The following MYH8 variants were observed in gnomAD, a reference collection of about 807,000 sequenced individuals.
The protein encoded by MYH8 is myosin-8.
MYH8 carries 168 observed loss-of-function variants against 233.2 expected under a neutral mutation model. The observed-to-expected ratio is 0.72, with a 90% CI of 0.64 to 0.82. The LOEUF is 0.82. Among genes scored for constraint, MYH8 ranks in the 40% least tolerant of loss-of-function variants. The pLI is 0.00. For synonymous variants in MYH8, 785 were observed against 850.6 expected (o/e 0.92, Z 1.34); for missense variants, 1,995 against 2,327.8 (o/e 0.86, Z 2.94).
chr17:10,392,063 G>C (rs1199374698), intron 38 of MYH8, 86 bp from the exon 39 acceptor site: 3 of 1,110,926 alleles, frequency 2.7e-6, no homozygotes. Flanking sequence ...TGGCATGATG[G>C]CAGGTGGGCC....
Position 10,410,840 on chromosome 17 carries a change from G to T in MYH8, c.1524C>A (p.Gly508=), listed in dbSNP as rs1597403331. ...CAAAGTCAATGAACGTCCACTCGAT[G>T]CCTTCCTTCTTGTACTCCTCCTGCT... ...VLEQEEYKKE[G]IEWTFIDFGM... is the part of the protein sequence containing the mutation. The change falls in exon 15 of 40, where the codon GGC becomes GGA. Residue 508 remains glycine, a synonymous_variant. Coordinates refer to ENST00000403437, the MANE Select transcript of MYH8 (RefSeq NM_002472.3). The T allele has an allele frequency of 1.2e-6, 2 of 1,613,840 alleles. No homozygotes were observed. The highest frequency in any genetic ancestry group is 2.2e-5 in the South Asian group (2 of 91,064).
intron 14 of MYH8, among the ~76,000 whole-genome samples, chr17:10,411,326 A>G (rs2142185268): frequency 6.6e-6 from 1 of 151,594 alleles, no homozygotes; most frequent in African/African-American, 2.4e-5. Flanking sequence ...CAGTGAGCTG[A>G]GATCGCGCCA....
intron 14 of MYH8, among the ~76,000 whole-genome samples, chr17:10,412,034 G>T (rs1483914862): frequency 2.0e-5 from 3 of 152,074 alleles, no homozygotes; most frequent in African/African-American, 7.2e-5. Flanking sequence ...TCCTGGATTT[G>T]TCTTATGCAC....
chr17:10,392,211 A>G (rs1240702560), intron 38 of MYH8, among the ~76,000 whole-genome samples: 1 of 152,204 alleles, frequency 6.6e-6, no homozygotes, highest in Non-Finnish European at 1.5e-5. Context: ...ATCCGGGAAA[A>G]TAGACACTGT....
Position 10,419,377 on chromosome 17 carries a change from G to C in MYH8, c.211-347C>G, listed in dbSNP as rs2072317241. On this transcript the variant is annotated intron_variant, in intron 3 of 39. Transcript: ENST00000403437. The surrounding 1 kb of genome is among the most constrained non-coding windows in gnomAD (Gnocchi z 4.0). ...CTGGCTAAGACCAGTTCGTTTTAAT[G>C]GTTGGAGGTAGGGTTTATGTTTGCC... Among the ~76,000 whole-genome samples, 2 of 152,112 alleles carry C rather than the reference G, an allele frequency of 1.3e-5. No individual in the cohort carries two copies. Among genetic ancestry groups the C allele is most frequent in the African/African-American group, 4.8e-5 (2 of 41,412 alleles).
Position 10,393,169 on chromosome 17 carries a change from G to C in MYH8, c.5208C>G (p.Asp1736Glu), listed in dbSNP as rs33969260. ...LINTKKKLEN[D>E]VSQLQSEVEE... ...CCACTTCACTTTGGAGTTGGGAAAC[G>C]TCATTTTCTAATTTCTTCTTGGTGT... Residue 1736 changes from aspartate to glutamate, a missense_variant, in exon 36 of 40, where the codon GAC (aspartate) becomes GAG (glutamate). Physicochemically the swap from Asp to Glu is conservative, Grantham distance 45 (BLOSUM62 2). This residue lies in a region of MYH8 where 1,498 missense variants were observed against 1,680.9 expected (regional missense o/e 0.89). Transcript: ENST00000403437. 1 of 1,613,796 alleles carries C rather than the reference G, an allele frequency of 6.2e-7. No individual in the cohort carries two copies. Among genetic ancestry groups the C allele is most frequent in the Non-Finnish European group, 8.5e-7 (1 of 1,179,908 alleles).
At chr17:10,399,974 C>T (rs1394580807) in intron 27 of MYH8, among the ~76,000 whole-genome samples, 2 of 152,114 alleles carry the variant, frequency 1.3e-5, no homozygotes, top group African/African-American at 2.4e-5. Flanking sequence ...GAGGCCGAGG[C>T]GGGCGGATCA....
rs955683870 is a variant in MYH8 at position 10,396,132 on chromosome 17, C to T, written c.4653+198G>A. Among the ~76,000 whole-genome samples the T allele has an allele frequency of 5.9e-5, 9 of 152,224 alleles. No homozygotes were observed. The South Asian group carries it at 1.9e-3, about 32-fold the overall frequency. ...ACATCTTTGCCTTAAAGCTTTACTC[C>T]ATTTGACATCTTTTGGGTGATAAAA... On this transcript the variant is annotated intron_variant, in intron 33 of 39. Coordinates refer to ENST00000403437, the MANE Select transcript of MYH8 (RefSeq NM_002472.3). The surrounding 1 kb of genome is among the most constrained non-coding windows in gnomAD (Gnocchi z 4.2).
chr17:10,409,210 C>T (rs1365895201), intron 16 of MYH8, 46 bp from the exon 17 acceptor site: 3 of 1,613,224 alleles, frequency 1.9e-6, no homozygotes, highest in Non-Finnish European at 2.5e-6. Context: ...ATACCAGAGG[C>T]TTATATGAAC....
Position 10,390,541 on chromosome 17 carries a change from G to C in MYH8, c.5727C>G (p.Ala1909=), listed in dbSNP as rs560091940. The change falls in exon 40 of 40, where the codon GCC becomes GCG. Residue 1909 remains alanine, a synonymous_variant. Coordinates refer to ENST00000403437, the MANE Select transcript of MYH8 (RefSeq NM_002472.3). ...FRKLQHELEE[A]EERADIAESQ... ...ACTCAGCAATGTCAGCCCGTTCCTCGGCCTCCTCCAGCTCATGCTGGAGTT... is the reference window on the plus strand; with the variant it reads ...ACTCAGCAATGTCAGCCCGTTCCTCCGCCTCCTCCAGCTCATGCTGGAGTT... 3.1e-6 allele frequency: 5 copies of C among 1,614,080 alleles called. No individual in the cohort carries two copies. In the South Asian group the frequency reaches 4.4e-5, roughly 14 times the overall value.
At chr17:10,390,636 CTG>C in intron 39 of MYH8, 33 bp from the exon 40 acceptor site, 1 of 1,608,606 alleles carries the variant, frequency 6.2e-7, no homozygotes, top group African/African-American at 1.3e-5. Flanking sequence ...GAGAATTAGA[CTG>C]TGTGGTTCTC....
In MYH8 at chr17:10,396,595, C is replaced by T; in HGVS notation, c.4486G>A (p.Asp1496Asn). 2 of 1,614,144 alleles carry T rather than the reference C, an allele frequency of 1.2e-6. No individual in the cohort carries two copies. The highest frequency in any genetic ancestry group is 1.7e-6 in the Non-Finnish European group (2 of 1,180,028). The change falls in exon 32 of 40, where the codon GAT becomes AAT. Residue 1496 changes from aspartate (D) to asparagine (N), a missense_variant. Around this residue, in one of 3 missense-constraint regions of MYH8, gnomAD observed 1,498 missense variants for 1,680.9 expected, o/e 0.89. Transcript: ENST00000403437. This position sits in a 1 kb window ranked among gnomAD's most constrained non-coding sequence, Gnocchi z 4.2. ...KVKNVYEESL[D>N]QLETLRRENK... Reference sequence around the variant, plus strand: ...TCTCTTCTTAGCGTTTCGAGTTGATCCAGGGATTCCTCATAGACATTCTTC... The same window carrying T: ...TCTCTTCTTAGCGTTTCGAGTTGATTCAGGGATTCCTCATAGACATTCTTC...
At position 10,415,268 on chromosome 17, in the gene MYH8, A is replaced by G; in HGVS notation, c.741+24T>C. ...TTCAGACGTGGCTACTCTGGAAGTT[A>G]GGGGTTGAGACCAAGAGACTCACAA... On this transcript the variant is annotated intron_variant, in intron 8 of 39. Transcript: ENST00000403437. The surrounding 1 kb of genome is among the most constrained non-coding windows in gnomAD (Gnocchi z 4.1). 1 of 1,609,304 alleles carries G rather than the reference A, an allele frequency of 6.2e-7. No individual in the cohort carries two copies.
Position 10,391,973 on chromosome 17 carries a change from TC to T in MYH8, c.5572del (p.Glu1858LysfsTer14). ...CCTGAGAACATTCTTGCGATCTTCT[TC>T]AGTCTGAAAGTTTGAAAAAAATAAT... ...RRVKELTYQT[E>X]EDRKNVLRLQ... On this transcript the variant is annotated frameshift_variant, in exon 39 of 40. Transcript: ENST00000403437. LOFTEE classifies it high-confidence loss of function. 1 of 1,613,804 alleles carries T rather than the reference TC, an allele frequency of 6.2e-7. No homozygotes were observed. Among genetic ancestry groups the T allele is most frequent in the Non-Finnish European group, 8.5e-7 (1 of 1,179,702 alleles).
chr17:10,392,876 C>T lies in MYH8; in HGVS notation c.5418G>A (p.Leu1806=), dbSNP rs754976888. 2 of 1,614,060 alleles carry T rather than the reference C, an allele frequency of 1.2e-6. No homozygotes were observed. Among genetic ancestry groups the T allele is most frequent in the African/African-American group, 1.3e-5 (1 of 74,926 alleles). Residue 1806 remains leucine (L), a synonymous_variant, in exon 37 of 40, where the codon CTG becomes CTA. Transcript: ENST00000403437. The part of the protein sequence containing the change: ...LQHRLDEAEQ[L]ALKGGKKQIQ... ...TCTGCTTCTTCCCACCCTTCAGCGC[C>T]AGCTGCTCGGCCTCATCTAGACGAT...
rs1459150106 is a variant in MYH8 at position 10,395,325 on chromosome 17, C to G, written c.4770G>C (p.Lys1590Asn). Residue 1590 changes from lysine (K) to asparagine (N), a missense_variant, in exon 34 of 40, where the codon AAG becomes AAC. Coordinates refer to ENST00000403437, the MANE Select transcript of MYH8 (RefSeq NM_002472.3). ...AEKDEEIDQL[K>N]RNHTRVVETM... is the part of the protein sequence containing the mutation. ...TCTCCACGACTCTAGTGTGGTTTCT[C>G]TTCAGCTGGTCAATTTCCTCATCCT... The G allele has an allele frequency of 6.2e-7, 1 of 1,614,218 alleles. No individual in the cohort carries two copies. Among genetic ancestry groups the G allele is most frequent in the Admixed American group, 1.7e-5 (1 of 60,028 alleles).
In MYH8 at chr17:10,395,224, T is replaced by G. The variant is rs1231849439; in HGVS notation, c.4871A>C (p.Asp1624Ala). The change falls in exon 34 of 40, where the codon GAT (aspartate) becomes GCT (alanine). Residue 1624 changes from aspartate (D) to alanine (A), a missense_variant. Physicochemically the swap from Asp to Ala is moderately radical, Grantham distance 126. Transcript: ENST00000403437. The part of the protein sequence containing the change: ...ALRVKKKMEG[D>A]LNEMEIQLNH... ...CAGCTGGATTTCCATTTCATTCAGA[T>G]CTCCTTCCATTTTCTTCTTGACTCT... 5 of 1,614,014 alleles carry G rather than the reference T, an allele frequency of 3.1e-6. No individual in the cohort carries two copies. Among genetic ancestry groups the G allele is most frequent in the Non-Finnish European group, 4.2e-6 (5 of 1,180,032 alleles).
At chr17:10,411,466 G>A (rs565289492) in intron 14 of MYH8, among the ~76,000 whole-genome samples, 82 of 152,008 alleles carry the variant, frequency 5.4e-4, no homozygotes, top group Non-Finnish European at 5.6e-4. Flanking sequence ...GTTAGAACAA[G>A]AATTCTGGTA....
rs1555556565 is a variant in MYH8, at chr17:10,404,751, A to ACG, written c.2433-167_2433-166insCG. ...TACACACACACACACACACACACAC[A>ACG]TGTACACACATTCTCGCGCTCACAC... On this transcript the variant is annotated intron_variant, in intron 21 of 39. Transcript: ENST00000403437. Among the ~76,000 whole-genome samples the ACG allele has an allele frequency of 0.026, 3,809 of 148,950 alleles. 330 individuals carry two copies. Among genetic ancestry groups the ACG allele is most frequent in the African/African-American group, 0.075 (2,952 of 39,428 alleles).
Sources: allele counts gnomAD v4.1 joint callset (sites outside exome capture counted in the v4.1 genomes callset), GRCh38; gene constraint gnomAD v4.1.1; regional missense constraint gnomAD v4.1.1; non-coding constraint Gnocchi (gnomAD v3.1); transcripts MANE v1.5; gene names NCBI Gene and HGNC (gene_info 2026-07-23, HGNC 2026-07-21).